The following TOX variants were observed in gnomAD, a reference collection of about 807,000 sequenced individuals.
The protein encoded by TOX is thymocyte selection associated high mobility group box, also known as thymocyte selection-associated high mobility group box protein TOX.
Under a neutral mutation model 53.7 loss-of-function variants are expected in TOX, and 11 were observed. That is an observed-to-expected ratio of 0.20 (90% CI 0.13 to 0.34). The LOEUF (loss-of-function observed/expected upper bound fraction) is 0.34. Among genes scored for constraint, TOX ranks in the 10% least tolerant of loss-of-function variants. The pLI is 1.00. For synonymous variants in TOX, 225 were observed against 245.3 expected (o/e 0.92, Z 0.77); for missense variants, 570 against 664.6 (o/e 0.86, Z 1.56).
At position 58,851,487 on chromosome 8, in the gene TOX, T is replaced by G. The variant is rs755550164; in HGVS notation, c.693+37A>C. On this transcript the variant is annotated intron_variant, in intron 4 of 8. Transcript: ENST00000361421. This position sits in a 1 kb window ranked among gnomAD's most constrained non-coding sequence, Gnocchi z 4.4. ...ACAGGTCAAAGAAGGTGCCTAAGAA[T>G]AGTCTCCCATAGGTCCTAAAAATAA... is the stretch of plus-strand genomic sequence containing the variant. The G allele has an allele frequency of 2.5e-6, 4 of 1,604,664 alleles. No homozygotes were observed. The highest frequency in any genetic ancestry group is 3.4e-6 in the Non-Finnish European group (4 of 1,174,850).
chr8:58,867,724 T>TGAAC (rs1585869187), intron 3 of TOX, among the ~76,000 whole-genome samples: 1 of 152,182 alleles, frequency 6.6e-6, no homozygotes, highest in African/African-American at 2.4e-5. Context: ...GGCTAGTGTG[T>TGAAC]GAACCCAAGT....
At chr8:58,879,676 A>G (rs1811349757) in intron 3 of TOX, among the ~76,000 whole-genome samples, 1 of 152,188 alleles carries the variant, frequency 6.6e-6, no homozygotes, top group Non-Finnish European at 1.5e-5. Flanking sequence ...CCTGCAAAAA[A>G]TCGAGAGACT....
rs920694812 is a variant in TOX, at chr8:59,117,873, C to A, written c.102+1013G>T. 1.3e-5 allele frequency among the ~76,000 whole-genome samples: 2 copies of A among 152,256 alleles called. No individual in the cohort carries two copies. Among genetic ancestry groups the A allele is most frequent in the African/African-American group, 4.8e-5 (2 of 41,472 alleles). On this transcript the variant is annotated intron_variant, in intron 1 of 8. Coordinates refer to ENST00000361421, the MANE Select transcript of TOX (RefSeq NM_014729.3). This position sits in a 1 kb window ranked among gnomAD's most constrained non-coding sequence, Gnocchi z 4.6. ...TTCATCCAACGGGACTGCTTAGACA[C>A]GTCCAACTAGCCCTAGGCGTGGGCA...
intron 3 of TOX, among the ~76,000 whole-genome samples, chr8:58,879,696 C>T (rs1241807674): frequency 6.6e-6 from 1 of 152,056 alleles, no homozygotes; most frequent in Non-Finnish European, 1.5e-5. Flanking sequence ...TGGCTTGTAC[C>T]AAACAAAGCA....
intron 5 of TOX, among the ~76,000 whole-genome samples, chr8:58,837,820 T>G (rs1189393935): frequency 1.3e-5 from 2 of 152,232 alleles, no homozygotes; most frequent in Non-Finnish European, 2.9e-5. Flanking sequence ...AAGGCAATCC[T>G]GTCTGAGATA....
intron 3 of TOX, among the ~76,000 whole-genome samples, chr8:58,864,211 A>G (rs1482442341): frequency 3.3e-5 from 5 of 152,186 alleles, no homozygotes; most frequent in Non-Finnish European, 7.3e-5. Flanking sequence ...TTCAACATAC[A>G]ATCAAATTAT....
intron 2 of TOX, among the ~76,000 whole-genome samples, chr8:58,939,980 A>G (rs917656603): frequency 1.3e-5 from 2 of 152,212 alleles, no homozygotes; most frequent in African/African-American, 2.4e-5. Flanking sequence ...GTTCTGGGCA[A>G]TTGCTTTTGG....
At chr8:58,911,990 C>T (rs977515561) in intron 3 of TOX, among the ~76,000 whole-genome samples, 7 of 152,240 alleles carry the variant, frequency 4.6e-5, no homozygotes, top group African/African-American at 1.7e-4. Flanking sequence ...GCGTGAGCCA[C>T]CGTGCCCGGC....
intron 1 of TOX, among the ~76,000 whole-genome samples, chr8:59,036,414 C>T (rs1362171955): frequency 6.6e-6 from 1 of 152,186 alleles, no homozygotes; most frequent in Admixed American, 6.5e-5. Flanking sequence ...TTGTCTCACT[C>T]AATGAGGGGA....
At chr8:59,080,253 T>A (rs1178013846) in intron 1 of TOX, among the ~76,000 whole-genome samples, 3 of 152,158 alleles carry the variant, frequency 2.0e-5, no homozygotes, top group Non-Finnish European at 2.9e-5. Flanking sequence ...AGTGCTAGGA[T>A]TACAGGCGTG....
intron 1 of TOX, among the ~76,000 whole-genome samples, chr8:58,962,077 T>C (rs982210401): frequency 2.6e-5 from 4 of 152,256 alleles, no homozygotes; most frequent in Non-Finnish European, 1.5e-5. Flanking sequence ...TCTATAAATG[T>C]GTTACTTTCT....
At chr8:58,922,263 T>C (rs943255310) in intron 3 of TOX, among the ~76,000 whole-genome samples, 4 of 152,200 alleles carry the variant, frequency 2.6e-5, no homozygotes, top group African/African-American at 4.8e-5. Context: ...AGGATTGAAG[T>C]TTAGGAGGAA....
intron 7 of TOX, among the ~76,000 whole-genome samples, chr8:58,810,684 T>A (rs1267740063): frequency 6.6e-6 from 1 of 151,918 alleles, no homozygotes; most frequent in Non-Finnish European, 1.5e-5. Context: ...GTTGACAAAA[T>A]GTAACCTAAA....
chr8:58,826,784 G>T, intron 6 of TOX, 38 bp downstream of exon 6: 2 of 1,557,662 alleles, frequency 1.3e-6, no homozygotes, highest in South Asian at 1.2e-5. Context: ...CGCCGAGATG[G>T]CCACAATCCT....
intron 1 of TOX, among the ~76,000 whole-genome samples, chr8:59,050,222 C>A (rs1766886973): frequency 6.6e-6 from 1 of 152,092 alleles, no homozygotes; most frequent in African/African-American, 2.4e-5. Context: ...AGAATTAACA[C>A]CAGTGCACAA....
intron 1 of TOX, among the ~76,000 whole-genome samples, chr8:59,004,731 C>T (rs950758743): frequency 2.4e-4 from 37 of 152,248 alleles, no homozygotes; most frequent in African/African-American, 8.7e-4. Flanking sequence ...GCTGTAAAGA[C>T]TAAATGAGAC....
At chr8:59,067,088 C>T (rs529303209) in intron 1 of TOX, among the ~76,000 whole-genome samples, 127 of 152,156 alleles carry the variant, frequency 8.3e-4, no homozygotes, top group African/African-American at 3.0e-3. Context: ...GACCGTCTTG[C>T]TGCATCTTAA....
rs1011175241 is a variant in TOX, at chr8:58,815,275, C to T, written c.1392+63G>A. 16 of 1,514,834 alleles carry T rather than the reference C, an allele frequency of 1.1e-5. No individual in the cohort carries two copies. In the African/African-American group the frequency reaches 1.7e-4, roughly 16 times the overall value. 93.8% of individuals were successfully genotyped at this position (1,514,834 alleles called of 1,614,324 possible). A position where few individuals can be genotyped will look rare whatever the true frequency, so the allele number is the denominator to read the frequency against. On this transcript the variant is annotated intron_variant, in intron 7 of 8. Transcript: ENST00000361421. ...CCTGTCCTGGATAAACAGCTCCCCC[C>T]ACCTCCACCACCACACTTCAGAATA...
At chr8:58,861,830 TAG>T (rs1347047230) in intron 3 of TOX, among the ~76,000 whole-genome samples, 1 of 152,148 alleles carries the variant, frequency 6.6e-6, no homozygotes, top group African/African-American at 2.4e-5. Context: ...CTTGCAAAAA[TAG>T]AGATGTCAAG....
Sources: gnomAD v4.1 joint callset for allele counts (sites outside exome capture counted in the v4.1 genomes callset) on GRCh38, gnomAD v4.1.1 for gene constraint, Gnocchi (gnomAD v3.1) non-coding constraint, MANE v1.5 for transcripts, NCBI Gene and HGNC (gene_info 2026-07-23, HGNC 2026-07-21) for gene names.